The following NPHP4 variants were observed in gnomAD, a reference collection of about 807,000 sequenced individuals.
The protein encoded by NPHP4 is nephrocystin 4.
In NPHP4, 151 loss-of-function variants were observed where a neutral mutation model predicts 155.8. The observed-to-expected ratio is 0.97, with a 90% CI of 0.85 to 1.11. The LOEUF is 1.11. NPHP4 is among the 50% of genes least tolerant of loss of function. The probability of loss-of-function intolerance (pLI) is 0.00; values close to 1 mark genes in which losing one functional copy is unlikely to be tolerated. For synonymous variants in NPHP4, 845 were observed against 816.8 expected (o/e 1.03, Z -0.59); for missense variants, 1,956 against 1,925.7 (o/e 1.02, Z -0.29).
intron 3 of NPHP4, 71 bp from the exon 4 acceptor site, chr1:5,969,330 C>A: frequency 9.5e-7 from 1 of 1,053,400 alleles, no homozygotes; most frequent in Admixed American, 2.9e-5. Context: ...GCGCTGTCCC[C>A]ACCCCCGAGA....
intron 5 of NPHP4, among the ~76,000 whole-genome samples, chr1:5,962,222 C>G (rs1440982011): frequency 6.6e-6 from 1 of 152,104 alleles, no homozygotes; most frequent in Non-Finnish European, 1.5e-5. Flanking sequence ...TCTGTTTGCC[C>G]AGGCTGGAGA....
In NPHP4 at chr1:5,967,863, C is replaced by T. The variant is rs544467155; in HGVS notation, c.453-500G>A. On this transcript the variant is annotated intron_variant, in intron 4 of 29. Transcript: ENST00000378156. ...TCCTACAGCACAGACGACAGCCCCG[C>T]GACAGCAAACAATTATCCATTCGCA... Among the ~76,000 whole-genome samples, 13 of 152,122 alleles carry T rather than the reference C, an allele frequency of 8.5e-5. No individual in the cohort carries two copies. In the East Asian group the frequency reaches 1.4e-3, roughly 16 times the overall value.
At position 5,867,716 on chromosome 1, in the gene NPHP4, C is replaced by G. The variant is rs373599143; in HGVS notation, c.3472+24G>C. ...AACAGGTGAGCCTGCAACATGTGGGCTGCAGGGTCAGTGCAGGACCTGCCT... is the reference window on the plus strand; with the variant it reads ...AACAGGTGAGCCTGCAACATGTGGGGTGCAGGGTCAGTGCAGGACCTGCCT... On this transcript the variant is annotated intron_variant, in intron 24 of 29. Coordinates refer to ENST00000378156, the MANE Select transcript of NPHP4 (RefSeq NM_015102.5). This position sits in a 1 kb window ranked among gnomAD's most constrained non-coding sequence, Gnocchi z 4.1. The G allele has an allele frequency of 2.2e-5, 35 of 1,605,006 alleles. No individual in the cohort carries two copies. The Middle Eastern group carries it at 1.2e-3, about 53-fold the overall frequency.
rs148758405 is a variant in NPHP4 at position 5,971,053 on chromosome 1, C to T, written c.280-1794G>A. 6.8e-4 allele frequency among the ~76,000 whole-genome samples: 103 copies of T among 152,276 alleles called. 1 individual carries two copies. In the East Asian group the frequency reaches 0.019, roughly 27 times the overall value. On this transcript the variant is annotated intron_variant, in intron 3 of 29. Transcript: ENST00000378156. The stretch of plus-strand genomic sequence containing the variant: ...TTTATACCTGTGCTTATCAGTCTTA[C>T]GAACACTACTCACTTTTTCTATTGG...
At chr1:5,984,516 C>G (rs770803731) in intron 2 of NPHP4, among the ~76,000 whole-genome samples, 1 of 151,856 alleles carries the variant, frequency 6.6e-6, no homozygotes, top group Non-Finnish European at 1.5e-5. Flanking sequence ...GCCTGGGTGA[C>G]AGAGTGAGAC....
chr1:5,962,988 G>C (rs1356454605), intron 5 of NPHP4, among the ~76,000 whole-genome samples: 1 of 152,230 alleles, frequency 6.6e-6, no homozygotes, highest in African/African-American at 2.4e-5. Flanking sequence ...CGTGGTCTCA[G>C]GCGGCTCAAG....
At chr1:5,900,914 TG>T (rs918948053) in intron 16 of NPHP4, among the ~76,000 whole-genome samples, 14 of 152,070 alleles carry the variant, frequency 9.2e-5, no homozygotes, top group African/African-American at 3.4e-4. Flanking sequence ...TGCATGCCTG[TG>T]GTCCCAGCTA....
intron 6 of NPHP4, among the ~76,000 whole-genome samples, chr1:5,961,593 C>A (rs1214251244): frequency 6.6e-6 from 1 of 152,144 alleles, no homozygotes; most frequent in African/African-American, 2.4e-5. Flanking sequence ...ATGTGAGACA[C>A]TATTTAGGAG....
In NPHP4 at chr1:5,879,812, C is replaced by T. The variant is rs574511930; in HGVS notation, c.2611+302G>A. Among the ~76,000 whole-genome samples the T allele has an allele frequency of 2.9e-3, 328 of 113,034 alleles. 8 individuals are homozygous for T. Among genetic ancestry groups the T allele is most frequent in the African/African-American group, 9.8e-3 (293 of 29,792 alleles). 74.2% of individuals were successfully genotyped at this position (113,034 alleles called of 152,430 possible). On this transcript the variant is annotated intron_variant, in intron 19 of 29. Coordinates refer to ENST00000378156, the MANE Select transcript of NPHP4 (RefSeq NM_015102.5). ...ACACACACGCAAACACACACACACA[C>T]GCAAACACACACACACACGCAAACA...
chr1:5,892,825 T>A lies in NPHP4; in HGVS notation c.2144-1797A>T, dbSNP rs920978273. 2.6e-5 allele frequency among the ~76,000 whole-genome samples: 4 copies of A among 152,040 alleles called. No individual in the cohort carries two copies. Among genetic ancestry groups the A allele is most frequent in the African/African-American group, 9.7e-5 (4 of 41,398 alleles). ...CCAGGAAGCTGGCCTCCAACTGAAC[T>A]AAGAAGACTCCCAGGGGCAGTGGCC... is the stretch of plus-strand genomic sequence containing the variant. On this transcript the variant is annotated intron_variant, in intron 16 of 29. Transcript: ENST00000378156. This position sits in a 1 kb window ranked among gnomAD's most constrained non-coding sequence, Gnocchi z 4.5.
intron 2 of NPHP4, among the ~76,000 whole-genome samples, chr1:5,985,823 C>T (rs1655394942): frequency 6.6e-6 from 1 of 152,190 alleles, no homozygotes; most frequent in Non-Finnish European, 1.5e-5. Flanking sequence ...TTGAAAATGT[C>T]ATAAGTTCAA....
intron 16 of NPHP4, among the ~76,000 whole-genome samples, chr1:5,897,114 C>T (rs985392096): frequency 2.0e-5 from 3 of 152,102 alleles, no homozygotes; most frequent in East Asian, 3.9e-4. Context: ...CATCGCTTAT[C>T]GGTAGGGAAA....
rs1557809012 is a variant in NPHP4 at position 5,948,253 on chromosome 1, T to C, written c.811-2A>G. 1 of 1,555,324 alleles carries C rather than the reference T, an allele frequency of 6.4e-7. No homozygotes were observed. Among genetic ancestry groups the C allele is most frequent in the East Asian group, 2.4e-5 (1 of 42,124 alleles). On this transcript the variant is annotated splice_acceptor_variant, in intron 7 of 29. Coordinates refer to ENST00000378156, the MANE Select transcript of NPHP4 (RefSeq NM_015102.5). LOFTEE classifies it high-confidence loss of function. ...ACCACCGTCCAGTGGGCCACATCCC[T>C]GGAAGAGGCACAGAAGGAATGAGCC... is the stretch of plus-strand genomic sequence containing the variant.
rs1356366203 is a variant in NPHP4, at chr1:5,961,844, A to C, written c.623T>G (p.Val208Gly). 6.2e-7 allele frequency: 1 copy of C among 1,613,686 alleles called. No individual in the cohort carries two copies. Among genetic ancestry groups the C allele is most frequent in the Non-Finnish European group, 8.5e-7 (1 of 1,179,712 alleles). ...GCCAGGTATCTGCTGCAGACCAGAC[A>C]CCAGAAGGTTCTCAGGAAGAAGGTG... The part of the protein sequence containing the change: ...AFHLLPENLL[V>G]SGLQQIPGLL... The change falls in exon 6 of 30, where the codon GTG becomes GGG. Residue 208 changes from valine to glycine, a missense_variant. Transcript: ENST00000378156.
At chr1:5,966,316 C>T (rs1651492346) in intron 5 of NPHP4, among the ~76,000 whole-genome samples, 1 of 152,146 alleles carries the variant, frequency 6.6e-6, no homozygotes, top group African/African-American at 2.4e-5. Context: ...TGCAATCTCA[C>T]CACACTGTAA....
chr1:5,992,214 C>T (rs1040990374), intron 1 of NPHP4, 30 bp downstream of exon 1: 2 of 152,208 alleles, frequency 1.3e-5, no homozygotes, highest in African/African-American at 4.8e-5. Context: ...CGCCGGCCCA[C>T]ATGGTTCCGC....
intron 7 of NPHP4, among the ~76,000 whole-genome samples, chr1:5,949,839 A>G (rs1380807759): frequency 6.6e-6 from 1 of 152,188 alleles, no homozygotes; most frequent in African/African-American, 2.4e-5. Flanking sequence ...ACAGTGAAGT[A>G]GGGAAACCAG....
intron 16 of NPHP4, among the ~76,000 whole-genome samples, chr1:5,904,131 C>G (rs1026708735): frequency 7.9e-5 from 12 of 152,150 alleles, no homozygotes; most frequent in Admixed American, 5.2e-4. Flanking sequence ...AAAGAAACAA[C>G]AGAGACAGGT....
At chr1:5,915,555 G>A (rs1218407124) in intron 11 of NPHP4, among the ~76,000 whole-genome samples, 4 of 152,130 alleles carry the variant, frequency 2.6e-5, no homozygotes, top group Non-Finnish European at 5.9e-5. Flanking sequence ...GCAACTGGAT[G>A]ATGAGTGAGC....
Sources: allele counts gnomAD v4.1 joint callset (sites outside exome capture counted in the v4.1 genomes callset), GRCh38; gene constraint gnomAD v4.1.1; non-coding constraint Gnocchi (gnomAD v3.1); transcripts MANE v1.5; gene names NCBI Gene and HGNC (gene_info 2026-07-23, HGNC 2026-07-21).